The following PPM1M variants were observed in gnomAD, a reference collection of about 807,000 sequenced individuals.
PPM1M encodes the protein protein phosphatase, Mg2+/Mn2+ dependent 1M, also known as protein phosphatase 1M.
In PPM1M, 44 loss-of-function variants were observed where a neutral mutation model predicts 50.8. That is an observed-to-expected ratio of 0.87 (90% CI 0.68 to 1.11). The LOEUF is 1.11. Ranked by LOEUF, PPM1M falls within the 50% of genes most tolerant of loss-of-function variation. PPM1M has a pLI of 0.00. For synonymous variants in PPM1M, 224 were observed against 242.9 expected, an observed-to-expected ratio of 0.92 and a Z score of 0.72; for missense variants, 556 against 593.4, an observed-to-expected ratio of 0.94 and a Z score of 0.66.
chr3:52,249,427 G>T, intron 9 of PPM1M, 105 bp downstream of exon 9: 1 of 1,449,796 alleles, frequency 6.9e-7, no homozygotes. Context: ...CTGGCAGCTG[G>T]CCAGGATCAG....
At chr3:52,249,442 G>A (rs1699924428) in intron 9 of PPM1M, 120 bp downstream of exon 9, 2 of 1,378,854 alleles carry the variant, frequency 1.5e-6, no homozygotes, top group Admixed American at 2.0e-5. Flanking sequence ...GATCAGGGCT[G>A]TCTCAAGCTT....
At chr3:52,246,194 C>G in intron 1 of PPM1M, 146 bp downstream of exon 1, 1 of 1,012,424 alleles carries the variant, frequency 9.9e-7, no homozygotes, top group Non-Finnish European at 1.2e-6. Flanking sequence ...CGAATCCTGA[C>G]AACTTCCCGG....
At chr3:52,246,867 C>A in intron 2 of PPM1M, 55 bp downstream of exon 2, 1 of 1,491,658 alleles carries the variant, frequency 6.7e-7, no homozygotes, top group Non-Finnish European at 9.0e-7. Flanking sequence ...GGGGCCACGA[C>A]CTGCAGGCTG....
At position 52,249,900 on chromosome 3, in the gene PPM1M, C is replaced by T; in HGVS notation, c.*86C>T. 7.6e-7 allele frequency: 1 copy of T among 1,318,788 alleles called. No individual in the cohort carries two copies. The highest frequency in any genetic ancestry group is 1.4e-5 in the African/African-American group (1 of 69,348). 81.7% of individuals were successfully genotyped at this position (1,318,788 alleles called of 1,614,324 possible). On this transcript the variant is annotated 3_prime_UTR_variant, in exon 10 of 10. Transcript: ENST00000323588. ...CAGTGTGACCAAGAGCAAATCCTGC[C>T]TGCCCTATCCCTAGCCACCGCCCAG... is the stretch of plus-strand genomic sequence containing the variant.
rs371662115 is a variant in PPM1M at position 52,249,784 on chromosome 3, C to T, written c.1350C>T (p.His450=). 26 of 1,613,630 alleles carry T rather than the reference C, an allele frequency of 1.6e-5. No homozygotes were observed. Among genetic ancestry groups the T allele is most frequent in the Non-Finnish European group, 2.1e-5 (25 of 1,179,818 alleles). Residue 450 remains histidine (H), a synonymous_variant, in exon 10 of 10, where the codon CAC becomes CAT. Coordinates refer to ENST00000323588, the MANE Select transcript of PPM1M (RefSeq NM_144641.4). ...TCTCTGTGTTCGTGATTCCCTTGCA[C>T]AGTCAGGGCCAAGAGAGCAGTGACC... The part of the protein sequence containing the change: ...DDVSVFVIPL[H]SQGQESSDH
At chr3:52,247,537 GGGATCTT>G in intron 3 of PPM1M, 138 bp from the exon 4 acceptor site, 1 of 683,198 alleles carries the variant, frequency 1.5e-6, no homozygotes, top group Non-Finnish European at 2.6e-6. Context: ...CCTGACTGCA[GGGATCTT>G]GGAGGTATGG....
At position 52,246,724 on chromosome 3, in the gene PPM1M, A is replaced by G. The variant is rs915191168; in HGVS notation, c.254A>G (p.Asn85Ser). The G allele has an allele frequency of 2.5e-5, 33 of 1,314,874 alleles. No individual in the cohort carries two copies. The highest frequency in any genetic ancestry group is 1.5e-4 in the African/African-American group (10 of 66,306). The allele number at this position is 1,314,874 out of a possible 1,614,324, so 81.5% of individuals were successfully genotyped here. A position where few individuals can be genotyped will look rare whatever the true frequency, so the allele number is the denominator to read the frequency against. ...EIINAEKSEF[N>S]EDQAACGKLC... ...ATCAATGCAGAGAAATCTGAATTCA[A>G]TGAGGATCAAGCCGCCTGTGGGAAG... The change falls in exon 2 of 10, where the codon AAT (asparagine) becomes AGT (serine). Residue 85 changes from asparagine (N) to serine (S), a missense_variant. Transcript: ENST00000323588.
chr3:52,247,288 A>C, intron 3 of PPM1M, 60 bp downstream of exon 3: 2 of 1,538,680 alleles, frequency 1.3e-6, no homozygotes, highest in Non-Finnish European at 1.8e-6. Flanking sequence ...GATCTCAGGA[A>C]ATGGCATCTC....
rs754393792 is a variant in PPM1M, at chr3:52,248,980, G to A, written c.1003G>A (p.Val335Ile). The change falls in exon 8 of 10, where the codon GTC becomes ATC. Residue 335 changes from valine (V) to isoleucine (I), a missense_variant. Coordinates refer to ENST00000323588, the MANE Select transcript of PPM1M (RefSeq NM_144641.4). ...RQARLLGTLA[V>I]SRGLGDHQLR... Reference sequence around the variant, plus strand: ...GGCTCGGTTACTAGGAACACTGGCTGTCTCCCGGGGCCTGGGAGACCATCA... The same window carrying A: ...GGCTCGGTTACTAGGAACACTGGCTATCTCCCGGGGCCTGGGAGACCATCA... 4.4e-6 allele frequency: 7 copies of A among 1,609,050 alleles called. No individual in the cohort carries two copies. The East Asian group carries it at 9.0e-5, about 21-fold the overall frequency.
At position 52,246,365 on chromosome 3, in the gene PPM1M, C is replaced by G. The variant is rs1699856801; in HGVS notation, c.224+317C>G. ...GGAGATTTCCCCTCGCCCTCTACCC[C>G]CACCATCTCACCCTGGGTATGACCT... is the stretch of plus-strand genomic sequence containing the variant. On this transcript the variant is annotated intron_variant, in intron 1 of 9. Coordinates refer to ENST00000323588, the MANE Select transcript of PPM1M (RefSeq NM_144641.4). 12 of 1,053,336 alleles carry G rather than the reference C, an allele frequency of 1.1e-5. No individual in the cohort carries two copies. The South Asian group carries it at 3.1e-4, about 27-fold the overall frequency. 65.2% of individuals were successfully genotyped at this position (1,053,336 alleles called of 1,614,324 possible). A position where few individuals can be genotyped will look rare whatever the true frequency, so the allele number is the denominator to read the frequency against.
In PPM1M at chr3:52,248,191, G is replaced by A; in HGVS notation, c.749G>A (p.Ser250Asn). 6.2e-7 allele frequency: 1 copy of A among 1,613,508 alleles called. No homozygotes were observed. ...CGGAGAGATGAGATACGGCCACTGA[G>A]CTTCGAGTTCACCCCAGAGACTGAG... ...LVRRDEIRPL[S>N]FEFTPETERQ... Residue 250 changes from serine (S) to asparagine (N), a missense_variant, in exon 5 of 10, where the codon AGC becomes AAC. Transcript: ENST00000323588.
rs1447002646 is a variant in PPM1M, at chr3:52,249,837, A to C, written c.*23A>C. The stretch of plus-strand genomic sequence containing the variant: ...TGAGGATTCAGACACTGTATCCCAG[A>C]ACTGCTCTAGTGCCCGGGTGTGGTC... On this transcript the variant is annotated 3_prime_UTR_variant, in exon 10 of 10. Coordinates refer to ENST00000323588, the MANE Select transcript of PPM1M (RefSeq NM_144641.4). 3 of 1,603,004 alleles carry C rather than the reference A, an allele frequency of 1.9e-6. No individual in the cohort carries two copies. The highest frequency in any genetic ancestry group is 2.6e-6 in the Non-Finnish European group (3 of 1,173,336).
In PPM1M at chr3:52,248,375, G is replaced by A. The variant is rs763733676; in HGVS notation, c.836G>A (p.Arg279Gln). The A allele has an allele frequency of 1.5e-5, 25 of 1,613,496 alleles. No individual in the cohort carries two copies. The highest frequency in any genetic ancestry group is 4.5e-5 in the East Asian group (2 of 44,882). ...GAGCTTCTGGCTGGTGAGTTCACCC[G>A]ACTGGAGTTCCCTCGGCGGCTGAAG... is the stretch of plus-strand genomic sequence containing the variant. ...YPELLAGEFT[R>Q]LEFPRRLKGD... Residue 279 changes from arginine (R) to glutamine (Q), a missense_variant, in exon 6 of 10, where the codon CGA (arginine) becomes CAA (glutamine). Arg to Gln is a conservative substitution (Grantham distance 43). Coordinates refer to ENST00000323588, the MANE Select transcript of PPM1M (RefSeq NM_144641.4).
At chr3:52,246,184 C>G (rs1699853848) in intron 1 of PPM1M, 136 bp downstream of exon 1, 2 of 1,013,142 alleles carry the variant, frequency 2.0e-6, no homozygotes, top group Non-Finnish European at 2.4e-6. Flanking sequence ...CCCTCACCTC[C>G]GAATCCTGAC....
chr3:52,248,860 G>C, intron 7 of PPM1M, 96 bp from the exon 8 acceptor site: 1 of 1,254,278 alleles, frequency 8.0e-7, no homozygotes, highest in African/African-American at 1.5e-5. Flanking sequence ...AAGGGCCACA[G>C]TCCACCTCTC....
rs1699846964 is a variant in PPM1M, at chr3:52,245,900, G to T, written c.76G>T (p.Ala26Ser). ...CGCGCCGCGGCCGCCTGGGCCGCAT[G>T]CCAGCCCCGTGCCCTACCGACGGCC... ...LPAPRPPGPH[A>S]SPVPYRRPRF... is the part of the protein sequence containing the mutation. The change falls in exon 1 of 10, where the codon GCC becomes TCC. Residue 26 changes from alanine to serine, a missense_variant. Ala to Ser is a moderately conservative substitution (Grantham distance 99). Transcript: ENST00000323588. The surrounding 1 kb of genome is among the most constrained non-coding windows in gnomAD (Gnocchi z 4.8). 5.0e-6 allele frequency: 6 copies of T among 1,208,306 alleles called. No homozygotes were observed. The highest frequency in any genetic ancestry group is 6.3e-6 in the Non-Finnish European group (6 of 949,456). The allele number at this position is 1,208,306 out of a possible 1,614,324, so 74.8% of individuals were successfully genotyped here.
At position 52,248,948 on chromosome 3, in the gene PPM1M, T is replaced by C. The variant is rs973636679; in HGVS notation, c.979-8T>C. 1.3e-6 allele frequency: 2 copies of C among 1,597,284 alleles called. No homozygotes were observed. The highest frequency in any genetic ancestry group is 1.1e-5 in the South Asian group (1 of 88,846). On this transcript the variant is annotated splice_polypyrimidine_tract_variant and splice_region_variant and intron_variant, in intron 7 of 9. Coordinates refer to ENST00000323588, the MANE Select transcript of PPM1M (RefSeq NM_144641.4). ...TTTGCCATCGCCTCACACCTCACTT[T>C]CCCTCAGGCTCGGTTACTAGGAACA...
In PPM1M at chr3:52,249,769, C is replaced by T. The variant is rs942571070; in HGVS notation, c.1335C>T (p.Phe445=). 4 of 1,613,846 alleles carry T rather than the reference C, an allele frequency of 2.5e-6. No individual in the cohort carries two copies. The highest frequency in any genetic ancestry group is 2.5e-6 in the Non-Finnish European group (3 of 1,179,838). ...GQVSYDDVSV[F]VIPLHSQGQE... ...TGTCCTACGATGACGTCTCTGTGTT[C>T]GTGATTCCCTTGCACAGTCAGGGCC... Residue 445 remains phenylalanine (F), a synonymous_variant, in exon 10 of 10, where the codon TTC becomes TTT. Transcript: ENST00000323588.
rs1699932222 is a variant in PPM1M at position 52,249,780 on chromosome 3, T to C, written c.1346T>C (p.Leu449Ser). Reference sequence around the variant, plus strand: ...GACGTCTCTGTGTTCGTGATTCCCTTGCACAGTCAGGGCCAAGAGAGCAGT... The same window carrying C: ...GACGTCTCTGTGTTCGTGATTCCCTCGCACAGTCAGGGCCAAGAGAGCAGT... ...YDDVSVFVIPLHSQGQESSDH is the reference protein window; with the variant it reads ...YDDVSVFVIPSHSQGQESSDH The change falls in exon 10 of 10, where the codon TTG (leucine) becomes TCG (serine). Residue 449 changes from leucine to serine, a missense_variant. Leu to Ser is a moderately radical substitution (Grantham distance 145, BLOSUM62 -2). Coordinates refer to ENST00000323588, the MANE Select transcript of PPM1M (RefSeq NM_144641.4). 2 of 1,613,720 alleles carry C rather than the reference T, an allele frequency of 1.2e-6. No individual in the cohort carries two copies. Among genetic ancestry groups the C allele is most frequent in the South Asian group, 2.2e-5 (2 of 91,060 alleles).
Sources: gnomAD v4.1 joint callset for allele counts on GRCh38, gnomAD v4.1.1 for gene constraint, Gnocchi (gnomAD v3.1) non-coding constraint, MANE v1.5 for transcripts, NCBI Gene and HGNC (gene_info 2026-07-23, HGNC 2026-07-21) for gene names.